ITGAV: variants seen among roughly 807,000 people sequenced by gnomAD.
ITGAV encodes the protein integrin alpha-V.
In ITGAV, 76 loss-of-function variants were observed where a neutral mutation model predicts 143.8. The observed-to-expected ratio is 0.53, with a 90% CI of 0.44 to 0.64. The LOEUF (loss-of-function observed/expected upper bound fraction) is 0.64, where lower values mean the gene tolerates loss of function less well. Ranked by LOEUF, ITGAV falls within the 30% of genes least tolerant of loss-of-function variation. ITGAV has a pLI of 0.00. For missense variants in ITGAV, 1,193 were observed against 1,274.7 expected, an observed-to-expected ratio of 0.94 and a Z score of 0.98; for synonymous variants, 453 against 446.7, an observed-to-expected ratio of 1.01 and a Z score of -0.18.
Position 186,646,819 on chromosome 2 carries a change from A to C in ITGAV, c.1293A>C (p.Pro431=), listed in dbSNP as rs767851815. The change falls in exon 13 of 30, where the codon CCA becomes CCC. Residue 431 remains proline, a synonymous_variant. Transcript: ENST00000261023. ...GGCAGTGGGCTGCTCGAAGCATGCC[A>C]CCAAGCTTTGGCTATTCAATGAAAG... The part of the protein sequence containing the change: ...LEGQWAARSM[P]PSFGYSMKGA... The C allele has an allele frequency of 8.1e-6, 13 of 1,611,136 alleles. No individual in the cohort carries two copies. In the African/African-American group the frequency reaches 1.5e-4, roughly 18 times the overall value.
At chr2:186,648,961 T>C (rs1302430364) in intron 13 of ITGAV, among the ~76,000 whole-genome samples, 1 of 147,700 alleles carries the variant, frequency 6.8e-6, no homozygotes, top group African/African-American at 2.5e-5. Context: ...TGTGTATATA[T>C]ATATACATTT....
At chr2:186,611,647 T>C (rs1687220196) in intron 2 of ITGAV, among the ~76,000 whole-genome samples, 5 of 152,234 alleles carry the variant, frequency 3.3e-5, no homozygotes, top group African/African-American at 1.2e-4. Context: ...ATTTAGAAGA[T>C]GCAGGCTCAG....
chr2:186,591,173 A>C (rs2105640438), intron 1 of ITGAV, among the ~76,000 whole-genome samples: 1 of 152,296 alleles, frequency 6.6e-6, no homozygotes, highest in African/African-American at 2.4e-5. Context: ...GTGATTCACT[A>C]TTTAGGTCAT....
intron 1 of ITGAV, among the ~76,000 whole-genome samples, chr2:186,595,349 C>G (rs1359440905): frequency 6.6e-6 from 1 of 152,172 alleles, no homozygotes; most frequent in Non-Finnish European, 1.5e-5. Context: ...CCTTGGTTGT[C>G]AAGGTCACAT....
Position 186,675,916 on chromosome 2 carries a change from A to T in ITGAV, c.2917A>T (p.Asn973Tyr). The T allele has an allele frequency of 6.4e-7, 1 of 1,551,548 alleles. No individual in the cohort carries two copies. Among genetic ancestry groups the T allele is most frequent in the Middle Eastern group, 1.7e-4 (1 of 5,916 alleles). Residue 973 changes from asparagine to tyrosine, a missense_variant, in exon 28 of 30, where the codon AAC (asparagine) becomes TAC (tyrosine). Coordinates refer to ENST00000261023, the MANE Select transcript of ITGAV (RefSeq NM_002210.5). ...GAATCTTCCAATTGAGGATATCACC[A>T]ACTCCACATTGGTAAGTCATTGGTT... ...YKNLPIEDIT[N>Y]STLVTTNVTW...
At chr2:186,641,947 TA>T (rs112121156) in intron 12 of ITGAV, among the ~76,000 whole-genome samples, 7 of 151,160 alleles carry the variant, frequency 4.6e-5, no homozygotes, top group African/African-American at 1.2e-4. Context: ...CTACAAGTGT[TA>T]AAAAAAAATG....
intron 26 of ITGAV, 104 bp downstream of exon 26, chr2:186,669,918 A>G: frequency 1.3e-6 from 1 of 752,258 alleles, no homozygotes; most frequent in Non-Finnish European, 2.3e-6. Flanking sequence ...GTGCTTGAAC[A>G]ACTACATTTA....
rs548691927 is a variant in ITGAV, at chr2:186,613,956, A to G, written c.317-8383A>G. The stretch of plus-strand genomic sequence containing the variant: ...GTCAGTGCTTAAAAAAAGAAGGAAG[A>G]GGTTCCTAGGAACGCTAATGCTTAA... On this transcript the variant is annotated intron_variant, in intron 2 of 29. Transcript: ENST00000261023. Among the ~76,000 whole-genome samples, 215 of 152,204 alleles carry G rather than the reference A, an allele frequency of 1.4e-3. 1 individual carries two copies. Among genetic ancestry groups the G allele is most frequent in the African/African-American group, 5.0e-3 (209 of 41,552 alleles).
intron 21 of ITGAV, among the ~76,000 whole-genome samples, chr2:186,666,000 C>T (rs1053533210): frequency 6.6e-6 from 1 of 152,026 alleles, no homozygotes; most frequent in Non-Finnish European, 1.5e-5. Context: ...ATGAGCATGC[C>T]TTTTATTTTC....
At chr2:186,628,698 T>G (rs991795499) in intron 4 of ITGAV, among the ~76,000 whole-genome samples, 3 of 152,112 alleles carry the variant, frequency 2.0e-5, no homozygotes, top group Admixed American at 6.5e-5. Context: ...GACCAGATGT[T>G]CTTCTGTTCT....
At chr2:186,607,583 CA>C (rs568714033) in intron 2 of ITGAV, among the ~76,000 whole-genome samples, 2 of 150,152 alleles carry the variant, frequency 1.3e-5, no homozygotes, top group East Asian at 1.9e-4. Flanking sequence ...TGTGTGTGGA[CA>C]AAAAAAAATC....
rs759845520 is a variant in ITGAV at position 186,641,217 on chromosome 2, GAATT to G, written c.957-166_957-163del. ...ATGAATTATTCATAGTTTCTTAAAA[GAATT>G]AAAGGAAGTTTCAAATTTGAAATGA... is the stretch of plus-strand genomic sequence containing the variant. On this transcript the variant is annotated intron_variant, in intron 11 of 29. Coordinates refer to ENST00000261023, the MANE Select transcript of ITGAV (RefSeq NM_002210.5). The G allele has an allele frequency of 2.6e-5, 16 of 624,606 alleles. No homozygotes were observed. The Admixed American group carries it at 3.9e-4, about 15-fold the overall frequency. The allele number at this position is 624,606 out of a possible 1,614,324, so 38.7% of individuals were successfully genotyped here. A position where few individuals can be genotyped will look rare whatever the true frequency, so the allele number is the denominator to read the frequency against.
In ITGAV at chr2:186,637,236, C is replaced by T. The variant is rs1227097663; in HGVS notation, c.802+127C>T. 5.4e-6 allele frequency: 4 copies of T among 734,048 alleles called. No homozygotes were observed. In the African/African-American group the frequency reaches 7.1e-5, roughly 13 times the overall value. 45.5% of individuals were successfully genotyped at this position (734,048 alleles called of 1,614,324 possible). On this transcript the variant is annotated intron_variant, in intron 8 of 29. Transcript: ENST00000261023. ...GTGGCTGCAGCCTGTAATCTCAGCA[C>T]TTTGGGAGGCTGAGGCGGGTGGATC...
In ITGAV at chr2:186,629,452, G is replaced by A. The variant is rs115520909; in HGVS notation, c.524-1345G>A. 3.3e-3 allele frequency among the ~76,000 whole-genome samples: 505 copies of A among 152,038 alleles called. 2 individuals are homozygous for A. Among genetic ancestry groups the A allele is most frequent in the African/African-American group, 0.012 (480 of 41,514 alleles). ...CGACTTGCTCTAACTTGAGGTTAGA[G>A]CAGAATTCCTTAGTCTGATTCACTG... On this transcript the variant is annotated intron_variant, in intron 4 of 29. Transcript: ENST00000261023.
intron 1 of ITGAV, among the ~76,000 whole-genome samples, chr2:186,600,820 G>A (rs1327875501): frequency 1.3e-5 from 2 of 152,062 alleles, no homozygotes; most frequent in South Asian, 2.1e-4. Context: ...TTAGCCAGGC[G>A]TGGTGGTGGG....
At chr2:186,677,129 C>T (rs977189520) in intron 29 of ITGAV, 68 bp from the exon 30 acceptor site, 5 of 1,410,092 alleles carry the variant, frequency 3.5e-6, no homozygotes, top group Admixed American at 1.9e-5. Context: ...GTAATATAGT[C>T]ACCCAAAAAA....
intron 2 of ITGAV, among the ~76,000 whole-genome samples, chr2:186,610,556 C>T (rs1687189269): frequency 6.6e-6 from 1 of 152,124 alleles, no homozygotes; most frequent in African/African-American, 2.4e-5. Flanking sequence ...AGCAGTTGCC[C>T]TCTTGGATTT....
Position 186,659,104 on chromosome 2 carries a change from A to T in ITGAV, c.1786A>T (p.Arg596Ter). 6.2e-7 allele frequency: 1 copy of T among 1,612,194 alleles called. No individual in the cohort carries two copies. Among genetic ancestry groups the T allele is most frequent in the Non-Finnish European group, 8.5e-7 (1 of 1,178,440 alleles). The change falls in exon 18 of 30, where the codon AGA becomes TGA. Residue 596 changes from arginine to a stop codon, truncating the protein, a stop_gained. Transcript: ENST00000261023. LOFTEE classifies it high-confidence loss of function. The stretch of plus-strand genomic sequence containing the variant: ...TTTTATGGAATATCGGTTGGATTAT[A>T]GAACAGCTGCTGATACAACAGGCTT... Reference protein sequence around the residue: ...TIFMEYRLDYRTAADTTGLQP... With the variant: ...TIFMEYRLDY
intron 26 of ITGAV, among the ~76,000 whole-genome samples, chr2:186,675,318 T>TA (rs1689177328): frequency 6.6e-6 from 1 of 152,254 alleles, no homozygotes; most frequent in African/African-American, 2.4e-5. Context: ...GTGAATCTTT[T>TA]AATATTATGG....
Sources: allele counts gnomAD v4.1 joint callset (sites outside exome capture counted in the v4.1 genomes callset), GRCh38; gene constraint gnomAD v4.1.1; transcripts MANE v1.5; gene names NCBI Gene and HGNC (gene_info 2026-07-23, HGNC 2026-07-21).